The following GRM8 variants were observed in gnomAD, a reference collection of about 807,000 sequenced individuals.
GRM8 encodes the protein glutamate metabotropic receptor 8.
GRM8 carries 47 observed loss-of-function variants against 87.2 expected under a neutral mutation model. The observed-to-expected ratio is 0.54, with a 90% CI of 0.43 to 0.69. GRM8 has a LOEUF of 0.69. Among genes scored for constraint, GRM8 ranks in the 30% least tolerant of loss-of-function variants. The pLI, the probability that GRM8 is intolerant of heterozygous loss-of-function variation, is 0.00. For missense variants in GRM8, 1,019 were observed against 1,139.2 expected (o/e 0.89, Z 1.52); for synonymous variants, 396 against 404.5 (o/e 0.98, Z 0.25).
intron 7 of GRM8, among the ~76,000 whole-genome samples, chr7:126,669,114 C>G (rs1220092953): frequency 1.3e-5 from 2 of 152,074 alleles, no homozygotes; most frequent in African/African-American, 2.4e-5. Context: ...GGGAGTTGAA[C>G]AGCAAGAACA....
At chr7:127,066,506 T>G (rs1021520913) in intron 3 of GRM8, among the ~76,000 whole-genome samples, 1 of 152,146 alleles carries the variant, frequency 6.6e-6, no homozygotes, top group Non-Finnish European at 1.5e-5. Flanking sequence ...GAGAAAGGTA[T>G]TCTTTATTTT....
chr7:126,971,043 A>T (rs1457560571), intron 3 of GRM8, among the ~76,000 whole-genome samples: 2 of 151,998 alleles, frequency 1.3e-5, no homozygotes, highest in African/African-American at 4.8e-5. Context: ...AATAATTTGA[A>T]ATATCGGGAA....
At chr7:126,955,972 G>C (rs1248603883) in intron 3 of GRM8, among the ~76,000 whole-genome samples, 1 of 152,056 alleles carries the variant, frequency 6.6e-6, no homozygotes, top group Admixed American at 6.5e-5. Context: ...AAAGAACTTG[G>C]ATGGTCAAGT....
At chr7:127,244,491 G>C (rs1256847092) in intron 1 of GRM8, among the ~76,000 whole-genome samples, 1 of 152,188 alleles carries the variant, frequency 6.6e-6, no homozygotes, top group Non-Finnish European at 1.5e-5. Context: ...CTGAAAATGA[G>C]AACTGACTTA....
At chr7:126,940,452 G>T (rs1462482132) in intron 3 of GRM8, among the ~76,000 whole-genome samples, 1 of 152,044 alleles carries the variant, frequency 6.6e-6, no homozygotes, top group Non-Finnish European at 1.5e-5. Context: ...GACCATCTTG[G>T]CCGCATATGG....
chr7:126,871,281 T>C (rs987697136), intron 6 of GRM8, among the ~76,000 whole-genome samples: 5 of 152,196 alleles, frequency 3.3e-5, no homozygotes, highest in Admixed American at 2.6e-4. Flanking sequence ...ATTTTCTTAT[T>C]ATACTCATTG....
intron 7 of GRM8, among the ~76,000 whole-genome samples, chr7:126,617,516 G>A (rs1334219785): frequency 6.6e-6 from 1 of 152,198 alleles, no homozygotes; most frequent in Non-Finnish European, 1.5e-5. Flanking sequence ...AGTGTTGGAA[G>A]TTCTGGCCAG....
At chr7:127,111,532 G>A (rs1198723822) in intron 2 of GRM8, among the ~76,000 whole-genome samples, 1 of 152,082 alleles carries the variant, frequency 6.6e-6, no homozygotes. Context: ...CTTTCTTGCT[G>A]GCTAGAATTT....
rs531977514 is a variant in GRM8 at position 126,866,118 on chromosome 7, C to T, written c.1156+36424G>A. 2.0e-5 allele frequency among the ~76,000 whole-genome samples: 3 copies of T among 152,312 alleles called. No individual in the cohort carries two copies. In the South Asian group the frequency reaches 6.2e-4, roughly 32 times the overall value. ...ATCTGTCTTTTTTATAACAGCCATCCTGGTGGGTGTGAAGTGGTATCTAAT... is the reference window on the plus strand; with the variant it reads ...ATCTGTCTTTTTTATAACAGCCATCTTGGTGGGTGTGAAGTGGTATCTAAT... On this transcript the variant is annotated intron_variant, in intron 6 of 10. Transcript: ENST00000339582.
chr7:126,588,601 T>C (rs568483824), intron 8 of GRM8, among the ~76,000 whole-genome samples: 1 of 151,638 alleles, frequency 6.6e-6, no homozygotes, highest in African/African-American at 2.4e-5. Flanking sequence ...ACACATAGGA[T>C]TTATGGGGGA....
At chr7:126,493,417 T>A (rs1325218367) in intron 9 of GRM8, among the ~76,000 whole-genome samples, 1 of 151,968 alleles carries the variant, frequency 6.6e-6, no homozygotes, top group Non-Finnish European at 1.5e-5. Flanking sequence ...TTGAGTGAAG[T>A]TTCTCTCAGA....
At chr7:126,974,177 C>A (rs1810716021) in intron 3 of GRM8, among the ~76,000 whole-genome samples, 1 of 152,070 alleles carries the variant, frequency 6.6e-6, no homozygotes, top group African/African-American at 2.4e-5. Context: ...GGATCCCATC[C>A]CCCAGATATC....
intron 3 of GRM8, among the ~76,000 whole-genome samples, chr7:127,034,867 C>G (rs1817704174): frequency 6.6e-6 from 1 of 152,020 alleles, no homozygotes; most frequent in African/African-American, 2.4e-5. Flanking sequence ...TAGGAAATCT[C>G]ATAAAACTCT....
At chr7:127,027,578 T>C (rs1024695671) in intron 3 of GRM8, among the ~76,000 whole-genome samples, 12 of 152,174 alleles carry the variant, frequency 7.9e-5, no homozygotes, top group African/African-American at 2.7e-4. Context: ...TTCCTAGGTA[T>C]TTTATTCTCT....
chr7:126,914,539 C>T (rs1368809922), intron 3 of GRM8, among the ~76,000 whole-genome samples: 1 of 152,120 alleles, frequency 6.6e-6, no homozygotes, highest in Admixed American at 6.5e-5. Flanking sequence ...CAGCAGTGGA[C>T]TGGATAAAGA....
chr7:126,530,323 A>G (rs1457812628), intron 9 of GRM8, among the ~76,000 whole-genome samples: 1 of 152,246 alleles, frequency 6.6e-6, no homozygotes, highest in Non-Finnish European at 1.5e-5. Flanking sequence ...ATTCGGTGTC[A>G]CCAATGCACA....
chr7:127,209,063 G>A (rs1331505981), intron 2 of GRM8, among the ~76,000 whole-genome samples: 6 of 152,206 alleles, frequency 3.9e-5, no homozygotes, highest in African/African-American at 1.4e-4. Flanking sequence ...ACGGCTGCAA[G>A]AACCAAGGGC....
intron 7 of GRM8, among the ~76,000 whole-genome samples, chr7:126,630,361 A>C (rs1801137613): frequency 6.6e-6 from 1 of 152,162 alleles, no homozygotes; most frequent in African/African-American, 2.4e-5. Flanking sequence ...GACCAATAAC[A>C]AGTCTGAAAC....
At chr7:126,508,854 T>G (rs1810893365) in intron 9 of GRM8, among the ~76,000 whole-genome samples, 1 of 152,036 alleles carries the variant, frequency 6.6e-6, no homozygotes, top group Non-Finnish European at 1.5e-5. Flanking sequence ...ATAAAATATA[T>G]GAAGCTCTGT....
Sources: gnomAD v4.1 joint callset for allele counts (sites outside exome capture counted in the v4.1 genomes callset) on GRCh38, gnomAD v4.1.1 for gene constraint, MANE v1.5 for transcripts, NCBI Gene and HGNC (gene_info 2026-07-23, HGNC 2026-07-21) for gene names.